GIT2: variants seen among roughly 807,000 people sequenced by gnomAD.
The protein encoded by GIT2 is GIT ArfGAP 2.
GIT2 carries 32 observed loss-of-function variants against 100.3 expected under a neutral mutation model. That is an observed-to-expected ratio of 0.32 (90% confidence interval 0.24 to 0.43). The LOEUF is 0.43. Ranked by LOEUF, GIT2 falls within the 20% of genes least tolerant of loss-of-function variation. GIT2 has a pLI of 1.00. For synonymous variants in GIT2, 353 were observed against 364.1 expected, an observed-to-expected ratio of 0.97 and a Z score of 0.35; for missense variants, 737 against 975.1, an observed-to-expected ratio of 0.76 and a Z score of 3.25.
chr12:109,935,725 G>A (rs534627331), intron 18 of GIT2, among the ~76,000 whole-genome samples: 3 of 152,262 alleles, frequency 2.0e-5, no homozygotes, highest in Admixed American at 6.5e-5. Context: ...TGTTGTTTAT[G>A]GTTTCATTTT....
chr12:109,938,880 T>C (rs2136164830), intron 17 of GIT2: 1 of 490,050 alleles, frequency 2.0e-6, no homozygotes, highest in Non-Finnish European at 3.6e-6. Flanking sequence ...AAATGCAGAA[T>C]GTAACCTAAT....
At chr12:109,966,031 T>C (rs1476817878) in intron 8 of GIT2, among the ~76,000 whole-genome samples, 1 of 144,516 alleles carries the variant, frequency 6.9e-6, no homozygotes, top group Admixed American at 7.0e-5. Context: ...AGTCTCACTC[T>C]GTCACCCAGG....
At chr12:109,993,020 GA>G (rs748267963) in intron 1 of GIT2, among the ~76,000 whole-genome samples, 113 of 137,110 alleles carry the variant, frequency 8.2e-4, no homozygotes, top group Admixed American at 8.8e-4. Context: ...CAACTGATCT[GA>G]AAAAAAAAAA....
At chr12:109,984,674 C>A (rs899058910) in intron 4 of GIT2, among the ~76,000 whole-genome samples, 1 of 151,854 alleles carries the variant, frequency 6.6e-6, no homozygotes, top group South Asian at 2.1e-4. Flanking sequence ...CTCGAACTTA[C>A]GAGCTGAAGT....
intron 1 of GIT2, among the ~76,000 whole-genome samples, chr12:109,993,628 C>T (rs1888807713): frequency 6.6e-6 from 1 of 152,108 alleles, no homozygotes; most frequent in African/African-American, 2.4e-5. Flanking sequence ...AAGTGAAGTA[C>T]CTCACACATA....
At chr12:109,968,337 A>ATT (rs112370559) in intron 7 of GIT2, among the ~76,000 whole-genome samples, 2 of 144,870 alleles carry the variant, frequency 1.4e-5, no homozygotes, top group African/African-American at 5.1e-5. Flanking sequence ...TCTTCATGTG[A>ATT]TTTTTTTTTT....
chr12:109,967,280 T>C, intron 8 of GIT2, 178 bp downstream of exon 8: 1 of 1,544,672 alleles, frequency 6.5e-7, no homozygotes, highest in Non-Finnish European at 8.8e-7. Context: ...CTTGTGCTCT[T>C]TGAAACTTAA....
In GIT2 at chr12:109,932,954, AGAG is replaced by A. The variant is rs1163568819; in HGVS notation, c.*21_*23del. 1 of 1,343,650 alleles carries A rather than the reference AGAG, an allele frequency of 7.4e-7. No individual in the cohort carries two copies. The allele number at this position is 1,343,650 out of a possible 1,614,324, so 83.2% of individuals were successfully genotyped here. On this transcript the variant is annotated 3_prime_UTR_variant, in exon 20 of 20. Transcript: ENST00000355312. ...TTGGACTTTATAAAGCCTAGAAAAC[AGAG>A]GAGGCGGTGCCCTGCCCTTGTCAGT... is the stretch of plus-strand genomic sequence containing the variant.
At chr12:109,955,913 C>A (rs906030279) in intron 12 of GIT2, among the ~76,000 whole-genome samples, 1 of 149,562 alleles carries the variant, frequency 6.7e-6, no homozygotes. Context: ...TGGGGCCTTG[C>A]TATGTTGTTC....
chr12:109,949,766 G>T (rs945774914), intron 14 of GIT2, among the ~76,000 whole-genome samples: 2 of 152,204 alleles, frequency 1.3e-5, no homozygotes, highest in Non-Finnish European at 2.9e-5. Flanking sequence ...AGCATTGTTA[G>T]ATTTTAAAAG....
At chr12:109,968,569 A>G (rs1883058761) in intron 7 of GIT2, among the ~76,000 whole-genome samples, 1 of 149,998 alleles carries the variant, frequency 6.7e-6, no homozygotes, top group African/African-American at 2.5e-5. Flanking sequence ...GATTACAGGC[A>G]TGCGCCACCA....
rs577079461 is a variant in GIT2, at chr12:109,980,892, C to G, written c.718+60G>C. 16 of 1,009,608 alleles carry G rather than the reference C, an allele frequency of 1.6e-5. No homozygotes were observed. The Admixed American group carries it at 2.2e-4, about 14-fold the overall frequency. The allele number at this position is 1,009,608 out of a possible 1,614,324, so 62.5% of individuals were successfully genotyped here. On this transcript the variant is annotated intron_variant, in intron 7 of 19. Transcript: ENST00000355312. ...GAGGTAATAACAAATAGTGTCCCAA[C>G]TTGTTTTTCTAGAACCTTCCCAACT...
chr12:109,950,334 A>C (rs1004246098), intron 14 of GIT2, among the ~76,000 whole-genome samples: 10 of 152,222 alleles, frequency 6.6e-5, no homozygotes, highest in Admixed American at 1.3e-4. Context: ...CATAGATTAT[A>C]TATTTCATTT....
chr12:109,933,239 C>G lies in GIT2; in HGVS notation c.2068-49G>C. ...TACCCTGAACTGCAGGGCAGACATC[C>G]AAAAGCAGGGGACAAACATTCTTCT... is the stretch of plus-strand genomic sequence containing the variant. On this transcript the variant is annotated intron_variant, in intron 19 of 19. Coordinates refer to ENST00000355312, the MANE Select transcript of GIT2 (RefSeq NM_057169.5). The surrounding 1 kb of genome is among the most constrained non-coding windows in gnomAD (Gnocchi z 4.5). 4.6e-6 allele frequency: 5 copies of G among 1,080,670 alleles called. No homozygotes were observed. Among genetic ancestry groups the G allele is most frequent in the Non-Finnish European group, 6.9e-6 (5 of 720,750 alleles). The allele number at this position is 1,080,670 out of a possible 1,614,324, so 66.9% of individuals were successfully genotyped here.
intron 4 of GIT2, among the ~76,000 whole-genome samples, chr12:109,987,158 G>A (rs1434158505): frequency 1.3e-5 from 2 of 151,788 alleles, no homozygotes; most frequent in Non-Finnish European, 2.9e-5. Context: ...CGAGGCGGGA[G>A]GATCACGAGG....
chr12:109,975,407 C>T (rs1433887775), intron 7 of GIT2, among the ~76,000 whole-genome samples: 1 of 152,006 alleles, frequency 6.6e-6, no homozygotes, highest in Non-Finnish European at 1.5e-5. Context: ...AAGGATCTTG[C>T]TCTGTTGCTT....
intron 14 of GIT2, among the ~76,000 whole-genome samples, chr12:109,949,433 T>C (rs907129431): frequency 1.3e-5 from 2 of 152,266 alleles, no homozygotes; most frequent in African/African-American, 2.4e-5. Context: ...TGTCTGAATG[T>C]GTTCTCATGA....
chr12:109,990,861 AAT>A (rs1329687026), intron 2 of GIT2, among the ~76,000 whole-genome samples: 1 of 152,258 alleles, frequency 6.6e-6, no homozygotes, highest in Non-Finnish European at 1.5e-5. Flanking sequence ...GAAAACTTAA[AAT>A]GTTTCAGAAG....
At chr12:109,974,460 A>G (rs1022643338) in intron 7 of GIT2, among the ~76,000 whole-genome samples, 1 of 152,074 alleles carries the variant, frequency 6.6e-6, no homozygotes, top group Non-Finnish European at 1.5e-5. Context: ...CAGGAGGCAG[A>G]GGTTGCAGCG....
Sources: gnomAD v4.1 joint callset for allele counts (sites outside exome capture counted in the v4.1 genomes callset) on GRCh38, gnomAD v4.1.1 for gene constraint, Gnocchi (gnomAD v3.1) non-coding constraint, MANE v1.5 for transcripts, NCBI Gene and HGNC (gene_info 2026-07-23, HGNC 2026-07-21) for gene names.